Variants in EPS15 observed in about 807,000 individuals in gnomAD.
EPS15 encodes the protein epidermal growth factor receptor substrate 15.
EPS15 carries 72 observed loss-of-function variants against 113.8 expected under a neutral mutation model. That is an observed-to-expected ratio of 0.63 (90% confidence interval 0.52 to 0.77). The LOEUF (loss-of-function observed/expected upper bound fraction) is 0.77, where lower values mean the gene tolerates loss of function less well. Ranked by LOEUF, EPS15 falls within the 30% of genes least tolerant of loss-of-function variation. The pLI is 0.00. For synonymous variants in EPS15, 344 were observed against 363.4 expected (o/e 0.95, Z 0.61); for missense variants, 1,048 against 1,045.8 (o/e 1.00, Z -0.03).
intron 1 of EPS15, among the ~76,000 whole-genome samples, chr1:51,508,193 GAAA>G (rs756851157): frequency 2.7e-4 from 11 of 41,180 alleles, no homozygotes; most frequent in Non-Finnish European, 5.9e-4. Flanking sequence ...AAAGAGAAAA[GAAA>G]AGAAAAGAAA....
At chr1:51,430,584 A>AAT (rs1553125455) in intron 12 of EPS15, among the ~76,000 whole-genome samples, 82 of 151,498 alleles carry the variant, frequency 5.4e-4, no homozygotes, top group African/African-American at 1.4e-3. Context: ...AAAAAAAAAA[A>AAT]TCAAGAATTC....
intron 19 of EPS15, among the ~76,000 whole-genome samples, chr1:51,400,557 T>G (rs1024673342): frequency 1.3e-5 from 2 of 150,798 alleles, no homozygotes; most frequent in Non-Finnish European, 3.0e-5. Flanking sequence ...ATCAGTCAAG[T>G]ATGCTGGCAT....
At chr1:51,457,499 T>G (rs1313732146) in intron 8 of EPS15, 1 of 150,000 alleles carries the variant, frequency 6.7e-6, no homozygotes, top group East Asian at 1.9e-4. Context: ...TTTCGGATTT[T>G]GGAATATTAT....
rs1056759230 is a variant in EPS15 at position 51,356,675 on chromosome 1, T to C, written c.*25A>G. Reference sequence around the variant, plus strand: ...GTATTCAGGAAGAAGAATACTATATTGTTGCCAAAGAACAAGAGAATTCTT... The same window carrying C: ...GTATTCAGGAAGAAGAATACTATATCGTTGCCAAAGAACAAGAGAATTCTT... On this transcript the variant is annotated 3_prime_UTR_variant, in exon 25 of 25. Coordinates refer to ENST00000371733, the MANE Select transcript of EPS15 (RefSeq NM_001981.3). 33 of 1,608,302 alleles carry C rather than the reference T, an allele frequency of 2.1e-5. No homozygotes were observed. Among genetic ancestry groups the C allele is most frequent in the Non-Finnish European group, 2.5e-5 (29 of 1,175,872 alleles).
At chr1:51,410,864 G>A (rs1361903220) in intron 13 of EPS15, among the ~76,000 whole-genome samples, 1 of 152,308 alleles carries the variant, frequency 6.6e-6, no homozygotes, top group South Asian at 2.1e-4. Flanking sequence ...TACTTAAAAT[G>A]TGCTAGGTTG....
At chr1:51,404,174 G>A (rs149891466) in intron 16 of EPS15, among the ~76,000 whole-genome samples, 3,503 of 152,148 alleles carry the variant, frequency 0.023, 40 homozygotes, top group Middle Eastern at 0.034. Context: ...GTGAAACCCC[G>A]TCTCTACTAA....
chr1:51,365,916 A>G (rs769591771), intron 22 of EPS15, 37 bp downstream of exon 22: 4 of 1,383,490 alleles, frequency 2.9e-6, no homozygotes, highest in Non-Finnish European at 4.1e-6. Context: ...GTGGAAACAC[A>G]GTATGTTTTC....
chr1:51,442,055 T>C (rs1033462600), intron 11 of EPS15, among the ~76,000 whole-genome samples: 6 of 152,168 alleles, frequency 3.9e-5, no homozygotes, highest in African/African-American at 1.4e-4. Context: ...CTCAATTTTA[T>C]ATTAATTACA....
chr1:51,488,489 A>C (rs1373160885), intron 1 of EPS15, among the ~76,000 whole-genome samples: 1 of 151,182 alleles, frequency 6.6e-6, no homozygotes, highest in East Asian at 1.9e-4. Context: ...AAAAAAAAAA[A>C]AAAAAAACTC....
chr1:51,426,817 G>GTCTCTCTC (rs35528783), intron 12 of EPS15, among the ~76,000 whole-genome samples: 431 of 145,718 alleles, frequency 3.0e-3, no homozygotes, highest in Middle Eastern at 0.011. Flanking sequence ...AAATAAATCT[G>GTCTCTCTC]TCTCTCTCTC....
At chr1:51,452,599 C>T (rs1156945390) in intron 8 of EPS15, among the ~76,000 whole-genome samples, 2 of 152,102 alleles carry the variant, frequency 1.3e-5, no homozygotes, top group Non-Finnish European at 2.9e-5. Context: ...TCCAGGATTA[C>T]CAATCTCATT....
chr1:51,427,788 G>A (rs962655226), intron 12 of EPS15, among the ~76,000 whole-genome samples: 7 of 152,288 alleles, frequency 4.6e-5, no homozygotes, highest in Non-Finnish European at 7.3e-5. Flanking sequence ...GAGAGCTTAC[G>A]TAAGAAAGCA....
chr1:51,467,756 C>A (rs897136536), intron 5 of EPS15, among the ~76,000 whole-genome samples: 1 of 151,922 alleles, frequency 6.6e-6, no homozygotes. Context: ...TCATGAACTG[C>A]GCATGTGAGG....
At chr1:51,384,298 C>CTTTTTTTTTTTTTTTTTTTTT (rs67265512) in intron 21 of EPS15, among the ~76,000 whole-genome samples, 4 of 99,522 alleles carry the variant, frequency 4.0e-5, no homozygotes, top group Admixed American at 1.2e-4. Context: ...TTCTTTCTTT[C>CTTTTTTTTTTTTTTTTTTTTT]TTTTTTTTTT....
chr1:51,394,060 C>A (rs1005610436), intron 21 of EPS15, among the ~76,000 whole-genome samples: 3 of 152,166 alleles, frequency 2.0e-5, no homozygotes, highest in Non-Finnish European at 4.4e-5. Context: ...TTAACTTAGA[C>A]CAAGATCCGT....
intron 3 of EPS15, among the ~76,000 whole-genome samples, chr1:51,472,652 G>C (rs1479299812): frequency 6.6e-6 from 1 of 152,100 alleles, no homozygotes; most frequent in Non-Finnish European, 1.5e-5. Context: ...AAAGTAGTTT[G>C]TTTCTAAAAA....
chr1:51,356,520 A>C lies in EPS15; in HGVS notation c.*180T>G. 2.0e-6 allele frequency: 1 copy of C among 499,310 alleles called. No homozygotes were observed. Among genetic ancestry groups the C allele is most frequent in the Non-Finnish European group, 3.4e-6 (1 of 292,824 alleles). 30.9% of individuals were successfully genotyped at this position (499,310 alleles called of 1,614,324 possible). A position where few individuals can be genotyped will look rare whatever the true frequency, so the allele number is the denominator to read the frequency against. The stretch of plus-strand genomic sequence containing the variant: ...ACTGGGTTACGGCTTTTATAAGAAA[A>C]AAAAAAAAAGACGAATCTGTAATGA... On this transcript the variant is annotated 3_prime_UTR_variant, in exon 25 of 25. Transcript: ENST00000371733.
In EPS15 at chr1:51,399,752, G is replaced by A. The variant is rs568643104; in HGVS notation, c.1919-587C>T. On this transcript the variant is annotated intron_variant, in intron 19 of 24. Coordinates refer to ENST00000371733, the MANE Select transcript of EPS15 (RefSeq NM_001981.3). The stretch of plus-strand genomic sequence containing the variant: ...TGCGCGCCCGTAATCCTGGCTATTC[G>A]GGAGGCTGAGGCATGAGAATAATAG... Among the ~76,000 whole-genome samples the A allele has an allele frequency of 3.3e-5, 5 of 152,128 alleles. No individual in the cohort carries two copies. In the East Asian group the frequency reaches 5.8e-4, roughly 18 times the overall value.
intron 1 of EPS15, among the ~76,000 whole-genome samples, chr1:51,503,314 C>T (rs1001198163): frequency 2.6e-5 from 4 of 152,050 alleles, no homozygotes; most frequent in Non-Finnish European, 5.9e-5. Context: ...GCAAGGAATC[C>T]GGAATAGCCG....
Sources: gnomAD v4.1 joint callset for allele counts (sites outside exome capture counted in the v4.1 genomes callset) on GRCh38, gnomAD v4.1.1 for gene constraint, MANE v1.5 for transcripts, NCBI Gene and HGNC (gene_info 2026-07-23, HGNC 2026-07-21) for gene names.